Variants in LDB2 observed in about 807,000 individuals in gnomAD.
LDB2 encodes the protein LIM domain binding 2.
A neutral mutation model predicts 44.3 loss-of-function variants in LDB2; 12 were observed. The observed-to-expected ratio is 0.27, with a 90% confidence interval of 0.17 to 0.44. The LOEUF (loss-of-function observed/expected upper bound fraction) is 0.44, where lower values mean the gene tolerates loss of function less well. LDB2 is among the 20% of genes least tolerant of loss of function. LDB2 has a pLI of 1.00. For missense variants in LDB2, 344 were observed against 473.5 expected, an observed-to-expected ratio of 0.73 and a Z score of 2.54; for synonymous variants, 164 against 174.8, an observed-to-expected ratio of 0.94 and a Z score of 0.49.
chr4:16,502,743 T>C lies in LDB2; in HGVS notation c.1022A>G (p.Asn341Ser). 1.2e-6 allele frequency: 2 copies of C among 1,614,052 alleles called. No individual in the cohort carries two copies. Among genetic ancestry groups the C allele is most frequent in the African/African-American group, 1.3e-5 (1 of 74,988 alleles). Residue 341 changes from asparagine (N) to serine (S), a missense_variant, in exon 8 of 8, where the codon AAC becomes AGC. By Grantham distance (46) the Asn-to-Ser change is conservative. Coordinates refer to ENST00000304523, the MANE Select transcript of LDB2 (RefSeq NM_001290.5). Reference sequence around the variant, plus strand: ...GTTGTTCCCCAGCGCGGGTGAATTGTTGAAGTCCTCCTCGTCGTCCATGCC... The same window carrying C: ...GTTGTTCCCCAGCGCGGGTGAATTGCTGAAGTCCTCCTCGTCGTCCATGCC... ...ANGMDDEEDF[N>S]NSPALGNNSP...
At chr4:16,856,000 T>A (rs1789282825) in intron 1 of LDB2, among the ~76,000 whole-genome samples, 2 of 152,182 alleles carry the variant, frequency 1.3e-5, no homozygotes, top group African/African-American at 4.8e-5. Flanking sequence ...AGAGTTTGGA[T>A]GTAGCAACAA....
chr4:16,891,442 A>G (rs1246638216), intron 1 of LDB2, among the ~76,000 whole-genome samples: 1 of 149,156 alleles, frequency 6.7e-6, no homozygotes, highest in Non-Finnish European at 1.5e-5. Context: ...CCTCCCGTGT[A>G]GCTGAGACTA....
intron 1 of LDB2, among the ~76,000 whole-genome samples, chr4:16,814,121 C>T (rs1780463917): frequency 1.3e-5 from 2 of 152,268 alleles, no homozygotes; most frequent in East Asian, 3.9e-4. Flanking sequence ...CCGCCCGCCT[C>T]GGCCTTCCAA....
chr4:16,717,184 A>ATGATG (rs1553981626), intron 2 of LDB2, among the ~76,000 whole-genome samples: 3 of 93,506 alleles, frequency 3.2e-5, no homozygotes, highest in South Asian at 3.3e-4. Context: ...TAATAATAAT[A>ATGATG]ATAATGATGA....
chr4:16,824,853 G>A (rs940986428), intron 1 of LDB2, among the ~76,000 whole-genome samples: 1 of 152,246 alleles, frequency 6.6e-6, no homozygotes, highest in Admixed American at 6.5e-5. Flanking sequence ...GGTTGCTGGG[G>A]ATAGGAAAGT....
chr4:16,765,953 C>T lies in LDB2; in HGVS notation c.133-6693G>A, dbSNP rs536810826. Among the ~76,000 whole-genome samples, 11 of 152,288 alleles carry T rather than the reference C, an allele frequency of 7.2e-5. No homozygotes were observed. In the South Asian group the frequency reaches 2.1e-3, roughly 29 times the overall value. On this transcript the variant is annotated intron_variant, in intron 1 of 7. Coordinates refer to ENST00000304523, the MANE Select transcript of LDB2 (RefSeq NM_001290.5). ...AGGTTGCTGGTAGTACATGAATGCA[C>T]TTGACTGGCTGTCATTAATCAAGAC...
At position 16,588,795 on chromosome 4, in the gene LDB2, A is replaced by G; in HGVS notation, c.446T>C (p.Phe149Ser). 6.2e-7 allele frequency: 1 copy of G among 1,613,864 alleles called. No individual in the cohort carries two copies. The highest frequency in any genetic ancestry group is 2.2e-5 in the East Asian group (1 of 44,878). ...TEGRLILEFT[F>S]DDLMRIKTWH... The stretch of plus-strand genomic sequence containing the variant: ...TGTTTTGATTCTCATGAGATCATCA[A>G]AGGTGAACTCCAAGATCAGTCTGCC... Residue 149 changes from phenylalanine (F) to serine (S), a missense_variant, in exon 4 of 8, where the codon TTT becomes TCT. This residue lies in a region of LDB2 where 226 missense variants were observed against 270.1 expected (regional missense o/e 0.84). Coordinates refer to ENST00000304523, the MANE Select transcript of LDB2 (RefSeq NM_001290.5).
intron 2 of LDB2, among the ~76,000 whole-genome samples, chr4:16,664,998 C>T (rs2152545708): frequency 6.6e-6 from 1 of 152,250 alleles, no homozygotes; most frequent in South Asian, 2.1e-4. Context: ...TTTGCCAGGC[C>T]CAGATAATAC....
intron 1 of LDB2, among the ~76,000 whole-genome samples, chr4:16,781,259 A>G (rs946158961): frequency 6.6e-6 from 1 of 152,218 alleles, no homozygotes; most frequent in Non-Finnish European, 1.5e-5. Flanking sequence ...CTTAAGGGCC[A>G]CACAGAAGTG....
At chr4:16,567,658 T>A (rs1745037621) in intron 5 of LDB2, among the ~76,000 whole-genome samples, 1 of 152,098 alleles carries the variant, frequency 6.6e-6, no homozygotes, top group Non-Finnish European at 1.5e-5. Context: ...TAGTCCCAGC[T>A]ACTCAGCAGG....
chr4:16,763,897 C>A (rs1466637548), intron 1 of LDB2, among the ~76,000 whole-genome samples: 2 of 152,128 alleles, frequency 1.3e-5, no homozygotes, highest in Non-Finnish European at 2.9e-5. Context: ...GAATAATAAT[C>A]TCGGTGTGCT....
intron 2 of LDB2, among the ~76,000 whole-genome samples, chr4:16,723,363 C>G (rs1195856071): frequency 1.3e-5 from 2 of 152,128 alleles, no homozygotes; most frequent in Non-Finnish European, 2.9e-5. Flanking sequence ...GACAGGAGAG[C>G]AAGTGTGAGA....
At chr4:16,861,666 G>A (rs1712597961) in intron 1 of LDB2, among the ~76,000 whole-genome samples, 1 of 152,156 alleles carries the variant, frequency 6.6e-6, no homozygotes, top group African/African-American at 2.4e-5. Context: ...CTCAAGGCTT[G>A]CCCTCATGGG....
At chr4:16,813,893 G>A (rs1313495933) in intron 1 of LDB2, among the ~76,000 whole-genome samples, 1 of 148,098 alleles carries the variant, frequency 6.8e-6, no homozygotes, top group Non-Finnish European at 1.5e-5. Flanking sequence ...TTTTTTTTGA[G>A]AGGAGTCTGG....
intron 1 of LDB2, among the ~76,000 whole-genome samples, chr4:16,852,777 G>C (rs1162946959): frequency 6.6e-6 from 1 of 152,094 alleles, no homozygotes; most frequent in Non-Finnish European, 1.5e-5. Flanking sequence ...GGCAGTTACA[G>C]GCATGTAAAA....
At chr4:16,613,015 G>A (rs548077837) in intron 2 of LDB2, among the ~76,000 whole-genome samples, 181 of 151,610 alleles carry the variant, frequency 1.2e-3, no homozygotes, top group Middle Eastern at 6.8e-3. Flanking sequence ...CAATCAAGTC[G>A]GCTTCATCCC....
chr4:16,563,223 A>T (rs1743083307), intron 5 of LDB2, among the ~76,000 whole-genome samples: 1 of 151,706 alleles, frequency 6.6e-6, no homozygotes, highest in Non-Finnish European at 1.5e-5. Context: ...TAATAATAAT[A>T]ATAATAAAAA....
chr4:16,631,455 A>G (rs996658293), intron 2 of LDB2, among the ~76,000 whole-genome samples: 2 of 152,226 alleles, frequency 1.3e-5, no homozygotes, highest in African/African-American at 4.8e-5. Flanking sequence ...GGAAATTTAT[A>G]GCACTAAATG....
chr4:16,539,990 C>T (rs1449136206), intron 5 of LDB2, among the ~76,000 whole-genome samples: 2 of 152,142 alleles, frequency 1.3e-5, no homozygotes, highest in Non-Finnish European at 2.9e-5. Context: ...GGAAGCATGA[C>T]TAGGAGGCCT....
Sources: allele counts gnomAD v4.1 joint callset (sites outside exome capture counted in the v4.1 genomes callset), GRCh38; gene constraint gnomAD v4.1.1; regional missense constraint gnomAD v4.1.1; transcripts MANE v1.5; gene names NCBI Gene and HGNC (gene_info 2026-07-23, HGNC 2026-07-21).